The following CDH18 variants were observed in gnomAD, a reference collection of about 807,000 sequenced individuals.
CDH18 encodes the protein cadherin-18.
CDH18 carries 31 observed loss-of-function variants against 67.9 expected under a neutral mutation model. The ratio of observed to expected loss-of-function variants is 0.46; its 90% CI spans 0.34 to 0.62. The LOEUF (loss-of-function observed/expected upper bound fraction) is 0.62. Among genes scored for constraint, CDH18 ranks in the 20% least tolerant of loss-of-function variants. CDH18 has a pLI of 0.01. For missense variants in CDH18, 890 were observed against 975.5 expected (o/e 0.91, Z 1.17); for synonymous variants, 362 against 347.2 (o/e 1.04, Z -0.48).
chr5:20,254,644 G>T (rs1416526089), intron 2 of CDH18, among the ~76,000 whole-genome samples: 1 of 152,200 alleles, frequency 6.6e-6, no homozygotes, highest in Non-Finnish European at 1.5e-5. Context: ...GTAAAGAAAA[G>T]AGAACTCTTA....
At chr5:20,485,055 C>T (rs748022103) in intron 1 of CDH18, among the ~76,000 whole-genome samples, 7 of 152,018 alleles carry the variant, frequency 4.6e-5, no homozygotes, top group Non-Finnish European at 8.8e-5. Flanking sequence ...TAGACTGTTG[C>T]TAATGTATGA....
At chr5:19,583,879 G>A (rs1447301544) in intron 7 of CDH18, among the ~76,000 whole-genome samples, 1 of 152,118 alleles carries the variant, frequency 6.6e-6, no homozygotes, top group Non-Finnish European at 1.5e-5. Context: ...AGCATCCTTT[G>A]TTGACTCGAA....
chr5:19,638,995 T>TG (rs1240481481), intron 5 of CDH18, among the ~76,000 whole-genome samples: 12 of 110,296 alleles, frequency 1.1e-4, no homozygotes, highest in African/African-American at 2.6e-4. Flanking sequence ...TTTTTTTTTT[T>TG]TTTTTTTTTG....
intron 2 of CDH18, among the ~76,000 whole-genome samples, chr5:19,936,583 A>T (rs1794293199): frequency 6.6e-6 from 1 of 151,258 alleles, no homozygotes; most frequent in South Asian, 2.1e-4. Context: ...AGATACTACA[A>T]ATATGCCACA....
At chr5:19,794,166 C>T (rs1776629453) in intron 3 of CDH18, among the ~76,000 whole-genome samples, 3 of 152,042 alleles carry the variant, frequency 2.0e-5, no homozygotes, top group African/African-American at 7.2e-5. Context: ...GTAGTGGTGA[C>T]TAATTTTATG....
chr5:20,389,835 A>G (rs990785327), intron 1 of CDH18, among the ~76,000 whole-genome samples: 1 of 152,162 alleles, frequency 6.6e-6, no homozygotes, highest in Non-Finnish European at 1.5e-5. Context: ...ACAATGCTGC[A>G]TATCTACAAC....
intron 1 of CDH18, among the ~76,000 whole-genome samples, chr5:20,484,181 C>T (rs1363876498): frequency 6.6e-6 from 1 of 151,752 alleles, no homozygotes; most frequent in Non-Finnish European, 1.5e-5. Context: ...AAAAAGGTGC[C>T]CAAATCACTG....
intron 9 of CDH18, among the ~76,000 whole-genome samples, chr5:19,539,786 G>A (rs1580094519): frequency 6.6e-6 from 1 of 152,096 alleles, no homozygotes; most frequent in South Asian, 2.1e-4. Context: ...GAAAAGACGA[G>A]GTCCATGATT....
chr5:20,164,522 AG>A (rs1312622244), intron 2 of CDH18, among the ~76,000 whole-genome samples: 1 of 30,788 alleles, frequency 3.2e-5, no homozygotes, highest in Non-Finnish European at 7.9e-5. Flanking sequence ...TGATCCGTCC[AG>A]GTCGGCCTCC....
At chr5:19,558,482 C>A (rs1323234843) in intron 8 of CDH18, among the ~76,000 whole-genome samples, 1 of 151,758 alleles carries the variant, frequency 6.6e-6, no homozygotes, top group Non-Finnish European at 1.5e-5. Context: ...ATACCACAGA[C>A]ATACAAAAGA....
At chr5:20,363,319 T>C (rs1742242178) in intron 1 of CDH18, among the ~76,000 whole-genome samples, 1 of 151,880 alleles carries the variant, frequency 6.6e-6, no homozygotes, top group Admixed American at 6.6e-5. Context: ...ACCCCATCTC[T>C]ACTAAAAATA....
At chr5:19,989,888 G>A (rs1174645948), upstream of CDH18, among the ~76,000 whole-genome samples, 1 of 152,130 alleles carries the variant, frequency 6.6e-6, no homozygotes, top group Non-Finnish European at 1.5e-5. Context: ...TGCTCTTAAG[G>A]AAGATGTTAG....
intron 1 of CDH18, among the ~76,000 whole-genome samples, chr5:20,551,142 A>C (rs1757612235): frequency 6.6e-6 from 1 of 152,212 alleles, no homozygotes; most frequent in Admixed American, 6.5e-5. Flanking sequence ...GAGTAAATGT[A>C]AATCTCTTTC....
In CDH18 at chr5:20,536,075, T is replaced by A. The variant is rs1174416006; in HGVS notation, c.-580+39387A>T. 2.0e-5 allele frequency among the ~76,000 whole-genome samples: 3 copies of A among 152,296 alleles called. No individual in the cohort carries two copies. The East Asian group carries it at 5.8e-4, about 29-fold the overall frequency. On this transcript the variant is annotated intron_variant, in intron 1 of 14. Transcript: ENST00000507958. ...TATTTAGCTTAGTTTTATAATTTTT[T>A]AAAATAGCTTGCATATAATTCTTAT...
intron 6 of CDH18, among the ~76,000 whole-genome samples, chr5:19,593,460 T>C (rs768398998): frequency 3.3e-5 from 5 of 152,140 alleles, no homozygotes; most frequent in African/African-American, 9.7e-5. Flanking sequence ...TCCATTTGTA[T>C]GTGTTCTTTA....
At chr5:19,662,262 T>G (rs1008655843) in intron 5 of CDH18, among the ~76,000 whole-genome samples, 1 of 152,050 alleles carries the variant, frequency 6.6e-6, no homozygotes, top group South Asian at 2.1e-4. Flanking sequence ...ATGTTGCATC[T>G]TTAGAATTTC....
intron 2 of CDH18, among the ~76,000 whole-genome samples, chr5:20,230,740 T>G (rs1742002199): frequency 6.6e-6 from 1 of 152,176 alleles, no homozygotes; most frequent in African/African-American, 2.4e-5. Flanking sequence ...AAATGATTTT[T>G]TGTTATTCTA....
At chr5:19,913,937 T>C (rs1291627387) in intron 2 of CDH18, among the ~76,000 whole-genome samples, 2 of 152,070 alleles carry the variant, frequency 1.3e-5, no homozygotes, top group Non-Finnish European at 2.9e-5. Flanking sequence ...GGAATAACTA[T>C]GCTGAAAAAT....
intron 2 of CDH18, chr5:19,848,244 G>C (rs1394076248): frequency 2.6e-5 from 4 of 152,136 alleles, no homozygotes; most frequent in African/African-American, 9.7e-5. Flanking sequence ...CAGTCTCTCA[G>C]GTAGCTTCCA....
Sources: allele counts gnomAD v4.1 joint callset (sites outside exome capture counted in the v4.1 genomes callset), GRCh38; gene constraint gnomAD v4.1.1; transcripts MANE v1.5; gene names NCBI Gene and HGNC (gene_info 2026-07-23, HGNC 2026-07-21).